Variants in CADPS2 observed in about 807,000 individuals in gnomAD.
CADPS2 encodes the protein calcium dependent secretion activator 2, also known as calcium-dependent secretion activator 2.
A neutral mutation model predicts 172.5 loss-of-function variants in CADPS2; 93 were observed. The ratio of observed to expected loss-of-function variants is 0.54; its 90% CI spans 0.46 to 0.64. The LOEUF is 0.64. CADPS2 is among the 30% of genes least tolerant of loss of function. The probability of loss-of-function intolerance (pLI) is 0.00; values close to 1 mark genes in which losing one functional copy is unlikely to be tolerated. For synonymous variants in CADPS2, 546 were observed against 555.2 expected (o/e 0.98, Z 0.23); for missense variants, 1,420 against 1,565.9 (o/e 0.91, Z 1.57).
At chr7:122,386,333 A>C in intron 24 of CADPS2, 1 of 1,410,646 alleles carries the variant, frequency 7.1e-7, no homozygotes, top group Non-Finnish European at 9.4e-7. Context: ...TGGGTGGAAA[A>C]AAAAAGATGA....
chr7:122,468,635 C>T (rs550502710), intron 14 of CADPS2, among the ~76,000 whole-genome samples: 1 of 152,054 alleles, frequency 6.6e-6, no homozygotes, highest in East Asian at 1.9e-4. Context: ...TTAGTATTTG[C>T]CCCTTTTATG....
chr7:122,813,307 A>G (rs1239506204), intron 1 of CADPS2, among the ~76,000 whole-genome samples: 1 of 152,102 alleles, frequency 6.6e-6, no homozygotes, highest in Non-Finnish European at 1.5e-5. Flanking sequence ...GAAAAGGAAC[A>G]AACACTTTAA....
intron 1 of CADPS2, among the ~76,000 whole-genome samples, chr7:122,774,490 C>A (rs1406545600): frequency 2.0e-5 from 3 of 152,072 alleles, no homozygotes; most frequent in Non-Finnish European, 4.4e-5. Context: ...GTTTTCTAGG[C>A]CTGAATTCTT....
intron 29 of CADPS2, among the ~76,000 whole-genome samples, chr7:122,323,042 C>A (rs905299870): frequency 6.6e-6 from 1 of 152,124 alleles, no homozygotes. Flanking sequence ...CTTAAATTCA[C>A]TGGGAAATGA....
At chr7:122,743,223 A>G (rs1039051420) in intron 1 of CADPS2, among the ~76,000 whole-genome samples, 10 of 152,190 alleles carry the variant, frequency 6.6e-5, no homozygotes, top group Non-Finnish European at 1.5e-4. Context: ...AAATTTTATA[A>G]ATCTGACCTG....
At chr7:122,784,037 T>C (rs902844063) in intron 1 of CADPS2, among the ~76,000 whole-genome samples, 1 of 152,220 alleles carries the variant, frequency 6.6e-6, no homozygotes, top group Non-Finnish European at 1.5e-5. Context: ...AGTGTTTCAT[T>C]CCATTAGTAG....
intron 3 of CADPS2, among the ~76,000 whole-genome samples, chr7:122,657,492 T>C (rs1229572461): frequency 2.6e-5 from 4 of 152,186 alleles, no homozygotes; most frequent in Non-Finnish European, 5.9e-5. Context: ...CGTTGAGCAG[T>C]GGTTTGTAGT....
chr7:122,366,086 G>A (rs2151192061), intron 25 of CADPS2, among the ~76,000 whole-genome samples: 1 of 151,192 alleles, frequency 6.6e-6, no homozygotes, highest in Non-Finnish European at 1.5e-5. Flanking sequence ...GGGGGAGGAT[G>A]GGATAGCTGT....
intron 9 of CADPS2, among the ~76,000 whole-genome samples, chr7:122,494,603 G>A (rs2058583847): frequency 6.6e-6 from 1 of 151,400 alleles, no homozygotes; most frequent in African/African-American, 2.4e-5. Flanking sequence ...ATTATTACAG[G>A]ATGGTGAAAT....
At chr7:122,827,485 A>G (rs1003684808) in intron 1 of CADPS2, among the ~76,000 whole-genome samples, 1 of 151,574 alleles carries the variant, frequency 6.6e-6, no homozygotes, top group East Asian at 2.0e-4. Context: ...ATAAAAAATT[A>G]GCTGGGCCTG....
intron 1 of CADPS2, among the ~76,000 whole-genome samples, chr7:122,814,777 A>G (rs958717175): frequency 6.6e-6 from 1 of 152,158 alleles, no homozygotes; most frequent in Non-Finnish European, 1.5e-5. Context: ...TTTTCATTAC[A>G]TGGAATTGAA....
chr7:122,467,454 T>A (rs1259251549), intron 14 of CADPS2, among the ~76,000 whole-genome samples: 4 of 152,204 alleles, frequency 2.6e-5, no homozygotes, highest in Non-Finnish European at 4.4e-5. Context: ...GACAGAGGTA[T>A]TATGATATGA....
At chr7:122,383,590 G>A (rs74376420) in intron 24 of CADPS2, among the ~76,000 whole-genome samples, 4,359 of 151,960 alleles carry the variant, frequency 0.029, 222 homozygotes, top group African/African-American at 0.1. Context: ...CTGCTTTCCC[G>A]CAGGTGATTC....
chr7:122,789,120 A>C (rs908883855), intron 1 of CADPS2, among the ~76,000 whole-genome samples: 2 of 152,138 alleles, frequency 1.3e-5, no homozygotes, highest in Non-Finnish European at 2.9e-5. Flanking sequence ...GCTTGGGTGC[A>C]CTGATTACCC....
At chr7:122,820,586 G>A (rs1435180991) in intron 1 of CADPS2, among the ~76,000 whole-genome samples, 1 of 111,500 alleles carries the variant, frequency 9.0e-6, no homozygotes, top group Non-Finnish European at 1.8e-5. Flanking sequence ...TTGAGACGGA[G>A]TCTCGCTCTG....
At chr7:122,628,949 A>G (rs1193254738) in intron 4 of CADPS2, among the ~76,000 whole-genome samples, 1 of 151,666 alleles carries the variant, frequency 6.6e-6, no homozygotes, top group Non-Finnish European at 1.5e-5. Flanking sequence ...TAAAACATTA[A>G]AACTCTTCTA....
chr7:122,680,034 G>A (rs1358236182), intron 2 of CADPS2, among the ~76,000 whole-genome samples: 1 of 152,198 alleles, frequency 6.6e-6, no homozygotes, highest in African/African-American at 2.4e-5. Context: ...CAGCCTATGA[G>A]GCTAGAAGCA....
At chr7:122,411,279 G>T (rs974423703) in intron 19 of CADPS2, among the ~76,000 whole-genome samples, 1 of 150,218 alleles carries the variant, frequency 6.7e-6, no homozygotes, top group Admixed American at 6.6e-5. Flanking sequence ...GGAGTGCAGC[G>T]GCACAATCTC....
chr7:122,804,334 G>A (rs1261854967), intron 1 of CADPS2, among the ~76,000 whole-genome samples: 3 of 152,136 alleles, frequency 2.0e-5, no homozygotes, highest in East Asian at 3.9e-4. Flanking sequence ...GGACTAGCAC[G>A]TTGCATTTTT....
Sources: allele counts gnomAD v4.1 joint callset (sites outside exome capture counted in the v4.1 genomes callset), GRCh38; gene constraint gnomAD v4.1.1; transcripts MANE v1.5; gene names NCBI Gene and HGNC (gene_info 2026-07-23, HGNC 2026-07-21).